Variants in JAK2 observed in about 807,000 individuals in gnomAD.
The protein encoded by JAK2 is tyrosine-protein kinase JAK2.
A neutral mutation model predicts 139.3 loss-of-function variants in JAK2; 86 were observed. The ratio of observed to expected loss-of-function variants is 0.62; its 90% CI spans 0.52 to 0.74. The LOEUF is 0.74. JAK2 is among the 30% of genes least tolerant of loss of function. The probability of loss-of-function intolerance (pLI) is 0.00; values close to 1 mark genes in which losing one functional copy is unlikely to be tolerated. For missense variants in JAK2, 1,421 were observed against 1,360.3 expected (o/e 1.04, Z -0.70); for synonymous variants, 490 against 437.7 (o/e 1.12, Z -1.49).
chr9:5,007,858 G>C (rs1478663831), intron 2 of JAK2, among the ~76,000 whole-genome samples: 1 of 151,932 alleles, frequency 6.6e-6, no homozygotes, highest in Non-Finnish European at 1.5e-5. Context: ...CTCCCAAGTA[G>C]CTGGGATTAC....
At chr9:5,114,214 C>A in intron 22 of JAK2, 1 of 510,548 alleles carries the variant, frequency 2.0e-6, no homozygotes, top group East Asian at 4.7e-5. Context: ...CGGTCCAGCC[C>A]CTTCTACCTG....
chr9:5,041,328 A>G, intron 4 of JAK2: 1 of 708,698 alleles, frequency 1.4e-6, no homozygotes, highest in East Asian at 2.7e-5. Flanking sequence ...AGCCAGCACA[A>G]GAGCTTGACA....
At chr9:5,019,266 A>T (rs1245054837) in intron 2 of JAK2, among the ~76,000 whole-genome samples, 5 of 152,028 alleles carry the variant, frequency 3.3e-5, no homozygotes, top group Non-Finnish European at 7.4e-5. Context: ...TTTTTGTCTA[A>T]TGGGGTTATT....
At chr9:5,081,978 G>C in intron 19 of JAK2, 117 bp downstream of exon 19, 1 of 853,982 alleles carries the variant, frequency 1.2e-6, no homozygotes, top group Non-Finnish European at 1.8e-6. Context: ...GAAAAAAAAG[G>C]TTTGGTTGTC....
In JAK2 at chr9:5,080,258, C is replaced by T. The variant is rs1819595363; in HGVS notation, c.2161C>T (p.Pro721Ser). ...ILQERIPWVP[P>S]ECIENPKNLN... The stretch of plus-strand genomic sequence containing the variant: ...TCAGGAGAGAATACCATGGGTACCA[C>T]CTGAATGCATTGAAAATCCTAAAAA... Residue 721 changes from proline (P) to serine (S), a missense_variant, in exon 17 of 25, where the codon CCT becomes TCT. Pro to Ser is a moderately conservative substitution (Grantham distance 74). Transcript: ENST00000381652. 1.9e-6 allele frequency: 3 copies of T among 1,613,354 alleles called. No homozygotes were observed. Among genetic ancestry groups the T allele is most frequent in the Non-Finnish European group, 2.5e-6 (3 of 1,179,430 alleles).
rs148994958 is a variant in JAK2 at position 5,049,402 on chromosome 9, T to C, written c.469-1284T>C. 2.6e-5 allele frequency among the ~76,000 whole-genome samples: 4 copies of C among 152,212 alleles called. No individual in the cohort carries two copies. The East Asian group carries it at 7.7e-4, about 29-fold the overall frequency. On this transcript the variant is annotated intron_variant, in intron 5 of 24. Transcript: ENST00000381652. ...AAATTAGTTTATGCATCTGAACATA[T>C]CTGGTGCTTTTGTGTGTGTGTCATT...
At chr9:5,006,222 T>C (rs1023599286) in intron 2 of JAK2, among the ~76,000 whole-genome samples, 1 of 152,014 alleles carries the variant, frequency 6.6e-6, no homozygotes, top group African/African-American at 2.4e-5. Context: ...CCCTTGTAAG[T>C]TGGATTCCTA....
At chr9:5,057,568 G>C (rs12338854) in intron 8 of JAK2, among the ~76,000 whole-genome samples, 50,063 of 146,562 alleles carry the variant, frequency 0.34, 9,198 homozygotes, top group African/African-American at 0.49. Flanking sequence ...CTTGCAACCA[G>C]CATTCTACTT....
At position 5,021,984 on chromosome 9, in the gene JAK2, C is replaced by T. The variant is rs375696661; in HGVS notation, c.-4C>T. The stretch of plus-strand genomic sequence containing the variant: ...ACAGGCAAATGTTCTGAAAAAGACT[C>T]TGCATGGGAATGGCCTGCCTTACGA... On this transcript the variant is annotated 5_prime_UTR_variant, in exon 3 of 25. Coordinates refer to ENST00000381652, the MANE Select transcript of JAK2 (RefSeq NM_004972.4). 1 of 1,606,632 alleles carries T rather than the reference C, an allele frequency of 6.2e-7. No homozygotes were observed. Among genetic ancestry groups the T allele is most frequent in the Admixed American group, 1.7e-5 (1 of 59,968 alleles).
chr9:5,044,536 C>G lies in JAK2; in HGVS notation c.468+16C>G, dbSNP rs1816856850. 6 of 1,386,202 alleles carry G rather than the reference C, an allele frequency of 4.3e-6. No individual in the cohort carries two copies. The highest frequency in any genetic ancestry group is 6.0e-6 in the Non-Finnish European group (6 of 993,772). The allele number at this position is 1,386,202 out of a possible 1,614,324, so 85.9% of individuals were successfully genotyped here. A position where few individuals can be genotyped will look rare whatever the true frequency, so the allele number is the denominator to read the frequency against. On this transcript the variant is annotated intron_variant, in intron 5 of 24. Transcript: ENST00000381652. ...CTTTGCTCAGGTATGATTATATTAT[C>G]TTACTTGTACATGAGTTAAATGATA...
intron 12 of JAK2, among the ~76,000 whole-genome samples, 161 bp from the exon 13 acceptor site, chr9:5,072,331 G>A (rs1401084673): frequency 1.3e-5 from 2 of 152,154 alleles, no homozygotes; most frequent in Non-Finnish European, 2.9e-5. Flanking sequence ...TAAGGAAGCA[G>A]AATAAAAGCA....
chr9:5,085,437 A>G (rs1477817723), intron 19 of JAK2: 2 of 743,910 alleles, frequency 2.7e-6, no homozygotes, highest in African/African-American at 1.7e-5. Context: ...TCAGGCTCGC[A>G]GTATTCTTGA....
At position 5,062,798 on chromosome 9, in the gene JAK2, C is replaced by T. The variant is rs139205197; in HGVS notation, c.1057-2085C>T. 7.1e-3 allele frequency among the ~76,000 whole-genome samples: 1,073 copies of T among 152,154 alleles called. 10 individuals carry two copies. Among genetic ancestry groups the T allele is most frequent in the African/African-American group, 0.025 (1,028 of 41,542 alleles). ...AAAATAATGCTGTCCTGTTATATTT[C>T]ATTTCCTTAATTAGAACCTGAGATT... On this transcript the variant is annotated intron_variant, in intron 8 of 24. Transcript: ENST00000381652.
rs1816589494 is a variant in JAK2 at position 5,042,065 on chromosome 9, C to T, written c.351-2338C>T. The T allele has an allele frequency of 3.5e-5, 8 of 230,870 alleles. 1 individual carries two copies. Among genetic ancestry groups the T allele is most frequent in the South Asian group, 3.3e-4 (6 of 18,398 alleles). 14.3% of individuals were successfully genotyped at this position (230,870 alleles called of 1,614,324 possible). A position where few individuals can be genotyped will look rare whatever the true frequency, so the allele number is the denominator to read the frequency against. ...AGGACACAGACTGCAGGGTCTTGGC[C>T]GGCGGCCCCATCCCCGGGACGAGGG... On this transcript the variant is annotated intron_variant, in intron 4 of 24. Transcript: ENST00000381652.
At chr9:5,073,603 G>C in intron 13 of JAK2, 95 bp from the exon 14 acceptor site, 1 of 903,864 alleles carries the variant, frequency 1.1e-6, no homozygotes. Context: ...CTGAAAGTAG[G>C]AGAAAGTGCA....
At chr9:5,002,185 A>T (rs1820964502) in intron 2 of JAK2, among the ~76,000 whole-genome samples, 1 of 151,348 alleles carries the variant, frequency 6.6e-6, no homozygotes, top group Admixed American at 6.6e-5. Flanking sequence ...TTTGTTCTTT[A>T]TTCTTTCTTC....
In JAK2 at chr9:5,054,954, T is replaced by G; in HGVS notation, c.936+70T>G. The G allele has an allele frequency of 8.4e-7, 1 of 1,192,690 alleles. No homozygotes were observed. The highest frequency in any genetic ancestry group is 1.2e-6 in the Non-Finnish European group (1 of 855,862). 73.9% of individuals were successfully genotyped at this position (1,192,690 alleles called of 1,614,324 possible). ...AATGGAAATAAAAACAAAGTAATTT[T>G]AATCATTTGCAACATGGTATTGCAC... On this transcript the variant is annotated intron_variant, in intron 7 of 24. Transcript: ENST00000381652. The surrounding 1 kb of genome is among the most constrained non-coding windows in gnomAD (Gnocchi z 4.9).
intron 4 of JAK2, among the ~76,000 whole-genome samples, chr9:5,034,461 A>G (rs527477743): frequency 2.6e-5 from 4 of 152,270 alleles, no homozygotes; most frequent in South Asian, 2.1e-4. Context: ...CACCACACCT[A>G]TTCCAAAATT....
chr9:5,128,007 T>C lies in JAK2; in HGVS notation c.*1216T>C, dbSNP rs1004027187. 2.2e-5 allele frequency: 5 copies of C among 231,718 alleles called. No homozygotes were observed. Among genetic ancestry groups the C allele is most frequent in the African/African-American group, 1.1e-4 (5 of 45,068 alleles). 14.4% of individuals were successfully genotyped at this position (231,718 alleles called of 1,614,324 possible). ...AATCTTTTCAATTAAGTATAAGGGG[T>C]TGTTCGTTGTTGTCATTTGTTATAG... On this transcript the variant is annotated 3_prime_UTR_variant, in exon 25 of 25. Transcript: ENST00000381652.
Sources: gnomAD v4.1 joint callset for allele counts (sites outside exome capture counted in the v4.1 genomes callset) on GRCh38, gnomAD v4.1.1 for gene constraint, Gnocchi (gnomAD v3.1) non-coding constraint, MANE v1.5 for transcripts, NCBI Gene and HGNC (gene_info 2026-07-23, HGNC 2026-07-21) for gene names.